Variants in RORA observed in about 807,000 individuals in gnomAD.
RORA encodes RAR related orphan receptor A, also known as nuclear receptor ROR-alpha.
A neutral mutation model predicts 69.5 loss-of-function variants in RORA; 7 were observed. That is an observed-to-expected ratio of 0.10 (90% CI 0.06 to 0.19). RORA has a LOEUF of 0.19. Among genes scored for constraint, RORA ranks in the 10% least tolerant of loss-of-function variants. The pLI is 1.00. For synonymous variants in RORA, 261 were observed against 240.8 expected (o/e 1.08, Z -0.78); for missense variants, 457 against 663.0 (o/e 0.69, Z 3.41).
At chr15:61,141,927 G>A (rs1363743741) in intron 1 of RORA, among the ~76,000 whole-genome samples, 2 of 152,124 alleles carry the variant, frequency 1.3e-5, no homozygotes, top group Admixed American at 6.5e-5. Flanking sequence ...AGAGCCTGAT[G>A]CCTGAGCAGG....
chr15:61,034,286 G>A (rs1896337393), intron 1 of RORA, among the ~76,000 whole-genome samples: 1 of 152,154 alleles, frequency 6.6e-6, no homozygotes, highest in Non-Finnish European at 1.5e-5. Context: ...AGGAAAAAAG[G>A]AGTATCTAGC....
intron 2 of RORA, among the ~76,000 whole-genome samples, chr15:60,624,045 G>A (rs774507642): frequency 6.6e-6 from 1 of 152,014 alleles, no homozygotes; most frequent in African/African-American, 2.4e-5. Context: ...GGAAAGGGTG[G>A]GGAGGCCTAT....
At chr15:61,117,524 T>A (rs2079061347) in intron 1 of RORA, among the ~76,000 whole-genome samples, 1 of 152,248 alleles carries the variant, frequency 6.6e-6, no homozygotes, top group South Asian at 2.1e-4. Flanking sequence ...CTAGCAAATA[T>A]TCGGCCTTTT....
intron 1 of RORA, among the ~76,000 whole-genome samples, chr15:60,947,020 GGGC>G (rs1892905309): frequency 1.3e-5 from 2 of 151,024 alleles, no homozygotes; most frequent in South Asian, 4.2e-4. Flanking sequence ...GGGAGGTGGG[GGGC>G]CAGCCCCCGC....
chr15:60,596,715 G>T (rs1338137163), intron 2 of RORA, among the ~76,000 whole-genome samples: 1 of 152,082 alleles, frequency 6.6e-6, no homozygotes, highest in South Asian at 2.1e-4. Context: ...GTATAAAGGG[G>T]GACGGGACAA....
intron 1 of RORA, among the ~76,000 whole-genome samples, chr15:60,823,140 T>A (rs1253012230): frequency 1.4e-5 from 2 of 140,564 alleles, no homozygotes; most frequent in African/African-American, 5.2e-5. Context: ...CTTTCTTTTT[T>A]TCTCCCTTCC....
intron 1 of RORA, among the ~76,000 whole-genome samples, chr15:60,926,501 C>T (rs1021652560): frequency 1.3e-5 from 2 of 152,226 alleles, no homozygotes; most frequent in Non-Finnish European, 2.9e-5. Context: ...TGAAACAGAA[C>T]ATCGAATGAC....
chr15:60,611,568 A>AAAAAAAAAAAAAAC (rs2069090299), intron 2 of RORA, among the ~76,000 whole-genome samples: 1 of 135,648 alleles, frequency 7.4e-6, no homozygotes, highest in Non-Finnish European at 1.6e-5. Flanking sequence ...GCAAAAAAAA[A>AAAAAAAAAAAAAAC]AAAAAAAAAA....
At chr15:60,947,663 T>G (rs1197510877) in intron 1 of RORA, among the ~76,000 whole-genome samples, 4 of 115,838 alleles carry the variant, frequency 3.5e-5, no homozygotes, top group Non-Finnish European at 6.6e-5. Flanking sequence ...ATCCCCCTCT[T>G]CGAGAAACAC....
At chr15:60,952,615 A>G (rs1044270657) in intron 1 of RORA, among the ~76,000 whole-genome samples, 6 of 152,198 alleles carry the variant, frequency 3.9e-5, no homozygotes, top group African/African-American at 1.2e-4. Context: ...AAATCACTGT[A>G]CAAAAATCAG....
intron 1 of RORA, among the ~76,000 whole-genome samples, chr15:60,770,348 G>A (rs148452361): frequency 0.015 from 2,347 of 152,188 alleles, 38 homozygotes; most frequent in South Asian, 0.041. Context: ...AGCACATACA[G>A]GCAGGTGTGG....
At chr15:61,125,064 CA>C (rs1425970936) in intron 1 of RORA, among the ~76,000 whole-genome samples, 5 of 152,176 alleles carry the variant, frequency 3.3e-5, no homozygotes, top group Non-Finnish European at 7.3e-5. Context: ...TGTTCATCAT[CA>C]ACCTTTTCTG....
At chr15:60,947,803 G>A (rs1170712148) in intron 1 of RORA, among the ~76,000 whole-genome samples, 3 of 151,494 alleles carry the variant, frequency 2.0e-5, no homozygotes, top group African/African-American at 4.9e-5. Flanking sequence ...TGCAGCCTCC[G>A]CAGTGGGAGA....
At chr15:61,210,435 A>T (rs2079980556) in intron 1 of RORA, among the ~76,000 whole-genome samples, 1 of 152,234 alleles carries the variant, frequency 6.6e-6, no homozygotes, top group Non-Finnish European at 1.5e-5. Flanking sequence ...AACAGGGAAA[A>T]AAGATTCCAT....
At chr15:60,892,764 T>C (rs1377814668) in intron 1 of RORA, among the ~76,000 whole-genome samples, 5 of 152,224 alleles carry the variant, frequency 3.3e-5, no homozygotes, top group African/African-American at 1.2e-4. Flanking sequence ...TTTCCCTATC[T>C]TACTGTGAAA....
At chr15:60,761,482 C>G (rs1248003485) in intron 1 of RORA, among the ~76,000 whole-genome samples, 1 of 152,066 alleles carries the variant, frequency 6.6e-6, no homozygotes, top group Non-Finnish European at 1.5e-5. Flanking sequence ...TAAGAAAGAG[C>G]TGGGCAACTC....
At position 60,578,765 on chromosome 15, in the gene RORA, C is replaced by CTT. The variant is rs768047660; in HGVS notation, c.197-46916_197-46915dup. ...TCATCAAGCACATTCTTAAATGAAA[C>CTT]TTTTTTTTTTTTTTTTGAGACAGAG... On this transcript the variant is annotated intron_variant, in intron 2 of 10. Transcript: ENST00000335670. Among the ~76,000 whole-genome samples, 178 of 138,896 alleles carry CTT rather than the reference C, an allele frequency of 1.3e-3. 2 individuals carry two copies. Among genetic ancestry groups the CTT allele is most frequent in the African/African-American group, 4.4e-3 (167 of 37,866 alleles). 91.1% of individuals were successfully genotyped at this position (138,896 alleles called of 152,430 possible).
At chr15:60,998,088 G>C (rs1258841879) in intron 1 of RORA, among the ~76,000 whole-genome samples, 1 of 152,202 alleles carries the variant, frequency 6.6e-6, no homozygotes, top group Non-Finnish European at 1.5e-5. Context: ...CAAAATTTCA[G>C]AGGAAGTTCA....
intron 1 of RORA, among the ~76,000 whole-genome samples, chr15:60,784,756 ATTTCT>A (rs2072312525): frequency 6.6e-6 from 1 of 152,152 alleles, no homozygotes; most frequent in African/African-American, 2.4e-5. Context: ...TCTCATACTA[ATTTCT>A]TTTCTTTAAA....
Sources: gnomAD v4.1 joint callset for allele counts (sites outside exome capture counted in the v4.1 genomes callset) on GRCh38, gnomAD v4.1.1 for gene constraint, MANE v1.5 for transcripts, NCBI Gene and HGNC (gene_info 2026-07-23, HGNC 2026-07-21) for gene names.